The following MYLK2 variants were observed in gnomAD, a reference collection of about 807,000 sequenced individuals.
MYLK2 encodes myosin light chain kinase 2, also known as myosin light chain kinase 2, skeletal/cardiac muscle.
In MYLK2, 27 loss-of-function variants were observed where a neutral mutation model predicts 58.2. The observed-to-expected ratio is 0.46, with a 90% CI of 0.34 to 0.64. MYLK2 has a LOEUF of 0.64. Among genes scored for constraint, MYLK2 ranks in the 30% least tolerant of loss-of-function variants. The probability of loss-of-function intolerance (pLI) is 0.01; values close to 1 mark genes in which losing one functional copy is unlikely to be tolerated. For synonymous variants in MYLK2, 310 were observed against 296.7 expected (o/e 1.04, Z -0.46); for missense variants, 676 against 764.3 (o/e 0.88, Z 1.36).
chr20:31,819,636 C>G lies in MYLK2; in HGVS notation c.52+4C>G. The G allele has an allele frequency of 6.4e-7, 1 of 1,551,526 alleles. No individual in the cohort carries two copies. ...GGAATTCAGAACCCATCAACAGGTG[C>G]CAAGCTGGGGCAGGAGATGGAGGGA... On this transcript the variant is annotated splice_donor_region_variant and intron_variant, in intron 2 of 12. Coordinates refer to ENST00000375985, the MANE Select transcript of MYLK2 (RefSeq NM_033118.4).
chr20:31,834,095 C>T lies in MYLK2; in HGVS notation c.*298C>T. On this transcript the variant is annotated 3_prime_UTR_variant, in exon 13 of 13. Coordinates refer to ENST00000375985, the MANE Select transcript of MYLK2 (RefSeq NM_033118.4). ...GTTGAAGCCGCTCCCGGTTCCCTCC[C>T]CAGCTCCTCGTCTTTGAACTGCCGC... 4.8e-5 allele frequency: 22 copies of T among 459,840 alleles called. 1 individual carries two copies. The South Asian group carries it at 4.8e-4, about 10-fold the overall frequency. The allele number at this position is 459,840 out of a possible 1,614,324, so 28.5% of individuals were successfully genotyped here. A position where few individuals can be genotyped will look rare whatever the true frequency, so the allele number is the denominator to read the frequency against.
At chr20:31,831,247 T>C (rs960823425) in intron 10 of MYLK2, 106 bp downstream of exon 10, 2 of 1,524,136 alleles carry the variant, frequency 1.3e-6, no homozygotes, top group Non-Finnish European at 1.8e-6. Flanking sequence ...CCACCTCCCC[T>C]ATCCCTCAGT....
intron 8 of MYLK2, chr20:31,827,639 C>T (rs777404512): frequency 2.6e-4 from 185 of 720,336 alleles, no homozygotes; most frequent in Non-Finnish European, 3.0e-4. Flanking sequence ...CTGCCTCAGC[C>T]TCCCGAGTAG....
At position 31,826,724 on chromosome 20, in the gene MYLK2, C is replaced by T. The variant is rs770363702; in HGVS notation, c.1082+10C>T. 164 of 1,613,476 alleles carry T rather than the reference C, an allele frequency of 1.0e-4. No homozygotes were observed. Among genetic ancestry groups the T allele is most frequent in the East Asian group, 3.6e-4 (16 of 44,864 alleles). ...TCCTGTTCATGGAGTAGTGAGTGCC[C>T]GAAGTAGTGGTAGGGGCTGGGTGGG... On this transcript the variant is annotated intron_variant, in intron 7 of 12. Transcript: ENST00000375985.
chr20:31,820,155 A>G lies in MYLK2; in HGVS notation c.82A>G (p.Arg28Gly). 1 of 1,613,906 alleles carries G rather than the reference A, an allele frequency of 6.2e-7. No homozygotes were observed. The highest frequency in any genetic ancestry group is 8.5e-7 in the Non-Finnish European group (1 of 1,180,002). Residue 28 changes from arginine to glycine, a missense_variant, in exon 3 of 13, where the codon AGA becomes GGA. Coordinates refer to ENST00000375985, the MANE Select transcript of MYLK2 (RefSeq NM_033118.4). The stretch of plus-strand genomic sequence containing the variant: ...GGCACCTAAAGGTCCCACAGGTGAA[A>G]GACCCCTGGCTGCAGGGAAAGACCC... Reference protein sequence around the residue: ...DKAPKGPTGERPLAAGKDPGP... With the variant: ...DKAPKGPTGEGPLAAGKDPGP...
At chr20:31,832,948 C>T (rs1370105253) in intron 12 of MYLK2, among the ~76,000 whole-genome samples, 2 of 152,136 alleles carry the variant, frequency 1.3e-5, no homozygotes, top group African/African-American at 2.4e-5. Flanking sequence ...AGTGCAGTGG[C>T]GCTATCATGG....
chr20:31,819,975 G>C (rs1018348885), intron 2 of MYLK2, 151 bp from the exon 3 acceptor site: 11 of 1,017,728 alleles, frequency 1.1e-5, no homozygotes, highest in Admixed American at 1.0e-4. Flanking sequence ...ATCTCTAGGG[G>C]CCATCAAGTG....
intron 6 of MYLK2, among the ~76,000 whole-genome samples, chr20:31,825,124 G>T (rs541675033): frequency 2.6e-5 from 4 of 152,358 alleles, no homozygotes; most frequent in African/African-American, 7.2e-5. Flanking sequence ...ATCCCAGGCA[G>T]AAGCCACAGT....
intron 8 of MYLK2, among the ~76,000 whole-genome samples, chr20:31,828,915 T>C (rs2062292615): frequency 6.6e-6 from 1 of 152,142 alleles, no homozygotes; most frequent in Non-Finnish European, 1.5e-5. Context: ...GCCAGGGGCT[T>C]GAGCCAGAGT....
In MYLK2 at chr20:31,833,792, G is replaced by T. The variant is rs756184353; in HGVS notation, c.1786G>T (p.Val596Phe). The change falls in exon 13 of 13, where the codon GTC (valine) becomes TTC (phenylalanine). Residue 596 changes from valine (V) to phenylalanine (F), a missense_variant. Physicochemically the swap from Val to Phe is conservative, Grantham distance 50 (BLOSUM62 -1). Coordinates refer to ENST00000375985, the MANE Select transcript of MYLK2 (RefSeq NM_033118.4). ...CTCGGGGGCACTGATGGCTCTGGGG[G>T]TCTGAGCCCTGGGCGCAGCTGAAGC... The part of the protein sequence containing the change: ...SSSGALMALG[V>F] The T allele has an allele frequency of 3.7e-6, 6 of 1,612,374 alleles. No homozygotes were observed. In the South Asian group the frequency reaches 6.6e-5, roughly 18 times the overall value.
Position 31,820,204 on chromosome 20 carries a change from C to G in MYLK2, c.131C>G (p.Ala44Gly), listed in dbSNP as rs1332296370. The G allele has an allele frequency of 6.2e-7, 1 of 1,614,032 alleles. No homozygotes were observed. The highest frequency in any genetic ancestry group is 8.5e-7 in the Non-Finnish European group (1 of 1,180,024). The change falls in exon 3 of 13, where the codon GCT becomes GGT. Residue 44 changes from alanine to glycine, a missense_variant. Physicochemically the swap from Ala to Gly is moderately conservative, Grantham distance 60. Transcript: ENST00000375985. ...CCTGGCCCCCCAGACCCAAAGAAAG[C>G]TCCGGATCCACCCACCCTGAAGAAA... is the stretch of plus-strand genomic sequence containing the variant. ...KDPGPPDPKK[A>G]PDPPTLKKDA...
intron 6 of MYLK2, among the ~76,000 whole-genome samples, chr20:31,825,818 A>AT (rs1383324420): frequency 1.3e-5 from 2 of 152,146 alleles, no homozygotes; most frequent in African/African-American, 4.8e-5. Context: ...AGCATTTGCC[A>AT]TTTCTCATGG....
chr20:31,829,712 G>A (rs549544558), intron 8 of MYLK2, among the ~76,000 whole-genome samples: 5 of 152,354 alleles, frequency 3.3e-5, no homozygotes, highest in Admixed American at 2.6e-4. Flanking sequence ...CAGGGCTTCC[G>A]GTGTTTCAGG....
rs1212897015 is a variant in MYLK2, at chr20:31,821,498, G to C, written c.533G>C (p.Gly178Ala). 6.2e-7 allele frequency: 1 copy of C among 1,613,872 alleles called. No homozygotes were observed. The highest frequency in any genetic ancestry group is 8.5e-7 in the Non-Finnish European group (1 of 1,180,054). ...GAGGCATCAGAGCTCACCTTTGAAG[G>C]GGTGCCCATGACCCACAGCCCCACG... The part of the protein sequence containing the change: ...PSEASELTFE[G>A]VPMTHSPTDP... The change falls in exon 4 of 13, where the codon GGG (glycine) becomes GCG (alanine). Residue 178 changes from glycine (G) to alanine (A), a missense_variant. Coordinates refer to ENST00000375985, the MANE Select transcript of MYLK2 (RefSeq NM_033118.4).
intron 8 of MYLK2, chr20:31,827,416 T>A (rs537743215): frequency 4.1e-6 from 4 of 985,312 alleles, no homozygotes; most frequent in African/African-American, 1.7e-5. Flanking sequence ...ACCAAACAGA[T>A]AAAAATCCCT....
chr20:31,830,807 C>T lies in MYLK2; in HGVS notation c.1225-12C>T. On this transcript the variant is annotated splice_polypyrimidine_tract_variant and intron_variant, in intron 8 of 12. Transcript: ENST00000375985. ...GTCAGAGGCCCACCCAGGCCACCCC[C>T]TTTCTCCTCAGCCAGAGAACATCCT... The T allele has an allele frequency of 1.2e-5, 19 of 1,613,682 alleles. No individual in the cohort carries two copies. Among genetic ancestry groups the T allele is most frequent in the Non-Finnish European group, 1.4e-5 (17 of 1,179,874 alleles).
At chr20:31,827,002 G>A in intron 8 of MYLK2, 64 bp downstream of exon 8, 2 of 1,608,054 alleles carry the variant, frequency 1.2e-6, no homozygotes, top group South Asian at 2.2e-5. Flanking sequence ...GATCAGTGCT[G>A]TCACCAGCCA....
chr20:31,820,589 T>A, intron 3 of MYLK2, 43 bp downstream of exon 3: 1 of 1,594,352 alleles, frequency 6.3e-7, no homozygotes, highest in Non-Finnish European at 8.5e-7. Context: ...CCTGTGGTTC[T>A]GTCCCTAGGG....
At chr20:31,831,956 G>A in intron 11 of MYLK2, 48 bp from the exon 12 acceptor site, 2 of 1,612,728 alleles carry the variant, frequency 1.2e-6, no homozygotes, top group Non-Finnish European at 1.7e-6. Context: ...GAGCCCCTGG[G>A]GCCTCACGAG....
Sources: gnomAD v4.1 joint callset for allele counts (sites outside exome capture counted in the v4.1 genomes callset) on GRCh38, gnomAD v4.1.1 for gene constraint, MANE v1.5 for transcripts, NCBI Gene and HGNC (gene_info 2026-07-23, HGNC 2026-07-21) for gene names.